The following BABAM2 variants were observed in gnomAD, a reference collection of about 807,000 sequenced individuals.
The protein encoded by BABAM2 is BRISC and BRCA1-A complex member 2.
In BABAM2, 31 loss-of-function variants were observed where a neutral mutation model predicts 54.7. The ratio of observed to expected loss-of-function variants is 0.57; its 90% confidence interval spans 0.43 to 0.77. BABAM2 has a LOEUF of 0.77. Ranked by LOEUF, BABAM2 falls within the 30% of genes least tolerant of loss-of-function variation. The probability of loss-of-function intolerance (pLI) is 0.00; values close to 1 mark genes in which losing one functional copy is unlikely to be tolerated. For missense variants in BABAM2, 364 were observed against 455.8 expected (o/e 0.80, Z 1.83); for synonymous variants, 167 against 162.9 (o/e 1.03, Z -0.19).
intron 9 of BABAM2, among the ~76,000 whole-genome samples, chr2:28,242,452 T>C (rs1347915366): frequency 1.3e-5 from 2 of 152,212 alleles, no homozygotes; most frequent in Non-Finnish European, 2.9e-5. Context: ...CAGGCTTTGC[T>C]CAGTGAGACA....
intron 11 of BABAM2, among the ~76,000 whole-genome samples, chr2:28,315,487 GA>G (rs1689473720): frequency 1.3e-5 from 1 of 79,374 alleles, no homozygotes; most frequent in Non-Finnish European, 2.5e-5. Flanking sequence ...TTTTCTTTTC[GA>G]GACAGAGTCT....
In BABAM2 at chr2:28,120,958, A is replaced by C. The variant is rs569913422; in HGVS notation, c.571-8313A>C. Among the ~76,000 whole-genome samples, 318 of 152,356 alleles carry C rather than the reference A, an allele frequency of 2.1e-3. 1 individual carries two copies. Among genetic ancestry groups the C allele is most frequent in the African/African-American group, 7.4e-3 (306 of 41,582 alleles). On this transcript the variant is annotated intron_variant, in intron 6 of 11. Coordinates refer to ENST00000379624, the MANE Select transcript of BABAM2 (RefSeq NM_199191.3). ...GTTAGTCAAGTTCTGCTAATGTATA[A>C]AGAGTGGCCCATTTTGTCTGGACTA...
In BABAM2 at chr2:28,179,322, G is replaced by T. The variant is rs567499365; in HGVS notation, c.680+49942G>T. The stretch of plus-strand genomic sequence containing the variant: ...GATTTATCCCAGAGATGCAAGGATG[G>T]TTCAACATACACAAATCAAAAGATA... On this transcript the variant is annotated intron_variant, in intron 7 of 11. Transcript: ENST00000379624. Among the ~76,000 whole-genome samples the T allele has an allele frequency of 2.6e-5, 4 of 152,252 alleles. No individual in the cohort carries two copies. The East Asian group carries it at 7.7e-4, about 29-fold the overall frequency.
At chr2:27,922,162 T>A (rs752999802) in intron 2 of BABAM2, among the ~76,000 whole-genome samples, 1 of 152,248 alleles carries the variant, frequency 6.6e-6, no homozygotes, top group Admixed American at 6.5e-5. Flanking sequence ...GATGTCATCA[T>A]CTGTAAAATG....
At chr2:27,908,699 A>G (rs1056633030) in intron 2 of BABAM2, among the ~76,000 whole-genome samples, 4 of 152,148 alleles carry the variant, frequency 2.6e-5, no homozygotes, top group African/African-American at 9.7e-5. Flanking sequence ...AAGTGAGAAC[A>G]TGCAGTATTT....
At chr2:27,999,482 G>A (rs1673418743) in intron 4 of BABAM2, among the ~76,000 whole-genome samples, 1 of 152,134 alleles carries the variant, frequency 6.6e-6, no homozygotes, top group Non-Finnish European at 1.5e-5. Context: ...TAGAAAATAC[G>A]GTTACAAAAG....
chr2:28,152,053 T>A (rs1426706969), intron 7 of BABAM2, among the ~76,000 whole-genome samples: 5 of 152,178 alleles, frequency 3.3e-5, no homozygotes, highest in African/African-American at 4.8e-5. Context: ...ATCTACCATG[T>A]TAGAATATGT....
intron 7 of BABAM2, among the ~76,000 whole-genome samples, chr2:28,216,504 A>G (rs1679930465): frequency 6.6e-6 from 1 of 152,228 alleles, no homozygotes; most frequent in African/African-American, 2.4e-5. Context: ...CCATCTAATT[A>G]GAGTTGCCAT....
intron 10 of BABAM2, among the ~76,000 whole-genome samples, chr2:28,273,194 A>T (rs1008302676): frequency 6.6e-6 from 1 of 152,172 alleles, no homozygotes; most frequent in African/African-American, 2.4e-5. Context: ...CCTTGGAATG[A>T]TGTCTCATTT....
intron 3 of BABAM2, among the ~76,000 whole-genome samples, chr2:27,935,599 G>A (rs550282120): frequency 9.2e-5 from 14 of 152,328 alleles, no homozygotes; most frequent in Admixed American, 2.6e-4. Context: ...ATAAAGCTTC[G>A]CCAGGGTTTG....
At chr2:28,074,672 T>C (rs1056860952) in intron 6 of BABAM2, among the ~76,000 whole-genome samples, 2 of 152,180 alleles carry the variant, frequency 1.3e-5, no homozygotes, top group Non-Finnish European at 2.9e-5. Flanking sequence ...TTTCTCACTA[T>C]CTTTTTTCTT....
chr2:28,325,116 A>G lies in BABAM2; in HGVS notation c.1089-13334A>G, dbSNP rs1690337493. ...ATTTCACTTTATTTTAATGCTGCTC[A>G]GAACCCACTAAATGGATTTTGTGAT... On this transcript the variant is annotated intron_variant, in intron 11 of 11. Coordinates refer to ENST00000379624, the MANE Select transcript of BABAM2 (RefSeq NM_199191.3). The surrounding 1 kb of genome is among the most constrained non-coding windows in gnomAD (Gnocchi z 4.3). Among the ~76,000 whole-genome samples the G allele has an allele frequency of 6.6e-6, 1 of 152,244 alleles. No homozygotes were observed. The highest frequency in any genetic ancestry group is 1.5e-5 in the Non-Finnish European group (1 of 68,040).
At chr2:27,892,809 G>C (rs1299720901) in intron 1 of BABAM2, among the ~76,000 whole-genome samples, 1 of 152,152 alleles carries the variant, frequency 6.6e-6, no homozygotes, top group Non-Finnish European at 1.5e-5. Flanking sequence ...TGAGAGACTA[G>C]TCGGGGGGCG....
intron 7 of BABAM2, among the ~76,000 whole-genome samples, chr2:28,173,019 T>A (rs1474427355): frequency 6.6e-6 from 1 of 152,214 alleles, no homozygotes. Flanking sequence ...AGAGAAAGTT[T>A]GTGAACTGTC....
intron 6 of BABAM2, among the ~76,000 whole-genome samples, chr2:28,054,212 C>T (rs528845869): frequency 2.0e-5 from 3 of 152,174 alleles, no homozygotes; most frequent in South Asian, 4.2e-4. Flanking sequence ...GGATTTGGCT[C>T]AGTGAGTGTC....
chr2:28,121,775 C>T (rs934051851), intron 6 of BABAM2, among the ~76,000 whole-genome samples: 1 of 151,930 alleles, frequency 6.6e-6, no homozygotes, highest in Non-Finnish European at 1.5e-5. Flanking sequence ...CTAAGAGAGT[C>T]TTATTCTCTC....
At chr2:28,066,114 G>A (rs180915528) in intron 6 of BABAM2, among the ~76,000 whole-genome samples, 11 of 150,730 alleles carry the variant, frequency 7.3e-5, no homozygotes, top group East Asian at 1.9e-4. Flanking sequence ...AGCCGAGATC[G>A]CGCCACTGCA....
At chr2:27,901,264 T>C (rs775262499) in intron 2 of BABAM2, among the ~76,000 whole-genome samples, 9 of 152,174 alleles carry the variant, frequency 5.9e-5, no homozygotes, top group Non-Finnish European at 1.0e-4. Flanking sequence ...TTAGTGATTT[T>C]TCTAATCTTG....
intron 10 of BABAM2, among the ~76,000 whole-genome samples, chr2:28,250,595 G>GTT (rs1553350055): frequency 2.2e-5 from 3 of 139,238 alleles, no homozygotes; most frequent in Non-Finnish European, 3.1e-5. Context: ...TTTTTTTTTT[G>GTT]TTTGTTTGTT....
Sources: gnomAD v4.1 joint callset for allele counts (sites outside exome capture counted in the v4.1 genomes callset) on GRCh38, gnomAD v4.1.1 for gene constraint, Gnocchi (gnomAD v3.1) non-coding constraint, MANE v1.5 for transcripts, NCBI Gene and HGNC (gene_info 2026-07-23, HGNC 2026-07-21) for gene names.